AGMO: variants seen among roughly 807,000 people sequenced by gnomAD.
AGMO encodes the protein glyceryl-ether monooxygenase.
AGMO carries 75 observed loss-of-function variants against 60.2 expected under a neutral mutation model. The observed-to-expected ratio is 1.25, with a 90% CI of 1.03 to 1.51. The LOEUF is 1.51. AGMO is among the 40% of genes most tolerant of loss of function. The probability of loss-of-function intolerance (pLI) is 0.00; values close to 1 mark genes in which losing one functional copy is unlikely to be tolerated. For missense variants in AGMO, 763 were observed against 525.5 expected (o/e 1.45, Z -4.42); for synonymous variants, 261 against 177.1 (o/e 1.47, Z -3.76).
At chr7:15,420,901 G>A (rs567766103) in intron 4 of AGMO, among the ~76,000 whole-genome samples, 1 of 152,006 alleles carries the variant, frequency 6.6e-6, no homozygotes, top group Non-Finnish European at 1.5e-5. Context: ...TCATTTTATT[G>A]TCTTGTAGAA....
intron 12 of AGMO, among the ~76,000 whole-genome samples, chr7:15,213,279 C>T (rs191939116): frequency 1.3e-5 from 2 of 151,752 alleles, no homozygotes; most frequent in East Asian, 1.9e-4. Context: ...CTGAGCACCA[C>T]GAAATGTGGA....
chr7:15,247,445 C>CAGAG (rs2128505078), intron 12 of AGMO, among the ~76,000 whole-genome samples: 1 of 141,720 alleles, frequency 7.1e-6, no homozygotes, highest in South Asian at 2.2e-4. Flanking sequence ...CACACACACA[C>CAGAG]ACACACACAC....
chr7:15,338,101 A>G (rs1301697547), intron 12 of AGMO, among the ~76,000 whole-genome samples: 1 of 152,204 alleles, frequency 6.6e-6, no homozygotes, highest in Non-Finnish European at 1.5e-5. Context: ...AATTTTTAGC[A>G]TCTAGAAACT....
intron 10 of AGMO, among the ~76,000 whole-genome samples, chr7:15,372,207 T>A (rs2128566250): frequency 6.6e-6 from 1 of 152,214 alleles, no homozygotes; most frequent in African/African-American, 2.4e-5. Context: ...TCCCAGCACT[T>A]TACGACGCTG....
intron 12 of AGMO, among the ~76,000 whole-genome samples, chr7:15,229,862 A>G (rs970018420): frequency 1.3e-5 from 2 of 150,966 alleles, no homozygotes; most frequent in Non-Finnish European, 3.0e-5. Flanking sequence ...TAGAATTCAA[A>G]ATGTACTAGA....
At position 15,327,978 on chromosome 7, in the gene AGMO, G is replaced by C. The variant is rs1318428147; in HGVS notation, c.1263+37536C>G. On this transcript the variant is annotated intron_variant, in intron 12 of 12. Coordinates refer to ENST00000342526, the MANE Select transcript of AGMO (RefSeq NM_001004320.2). ...TTTGGTTGAGACAGGGTCTCACTAT[G>C]TTGCCTGAGCTTGTCATGAACTTCT... Among the ~76,000 whole-genome samples the C allele has an allele frequency of 4.0e-5, 6 of 151,756 alleles. No homozygotes were observed. The East Asian group carries it at 1.2e-3, about 29-fold the overall frequency.
intron 12 of AGMO, among the ~76,000 whole-genome samples, chr7:15,254,512 C>A (rs572748614): frequency 1.6e-3 from 249 of 152,086 alleles, no homozygotes; most frequent in African/African-American, 5.8e-3. Context: ...TTTTCATACA[C>A]CTATTGGTCA....
At chr7:15,327,264 A>C (rs544818389) in intron 12 of AGMO, among the ~76,000 whole-genome samples, 1 of 152,278 alleles carries the variant, frequency 6.6e-6, no homozygotes, top group South Asian at 2.1e-4. Context: ...CATTTAGTGG[A>C]AAGACAGCTA....
At chr7:15,253,963 G>T (rs757455680) in intron 12 of AGMO, among the ~76,000 whole-genome samples, 50 of 150,314 alleles carry the variant, frequency 3.3e-4, no homozygotes, top group Non-Finnish European at 6.1e-4. Context: ...TTTTTTTCCT[G>T]TGCCTGGATT....
intron 3 of AGMO, among the ~76,000 whole-genome samples, chr7:15,471,259 T>C (rs552941979): frequency 2.0e-5 from 3 of 152,082 alleles, no homozygotes; most frequent in African/African-American, 7.2e-5. Flanking sequence ...TGGCCATTGG[T>C]AGACAGAGGT....
intron 3 of AGMO, among the ~76,000 whole-genome samples, chr7:15,537,176 C>T (rs994831415): frequency 5.9e-5 from 9 of 151,884 alleles, no homozygotes; most frequent in Admixed American, 2.6e-4. Flanking sequence ...TTTGAATTGG[C>T]TTATTTATTC....
intron 12 of AGMO, among the ~76,000 whole-genome samples, chr7:15,338,844 TA>T (rs550681198): frequency 6.6e-6 from 1 of 152,110 alleles, no homozygotes; most frequent in African/African-American, 2.4e-5. Flanking sequence ...CTCATCAAAA[TA>T]AAAACTACCC....
At chr7:15,411,708 C>T (rs1357457009) in intron 5 of AGMO, among the ~76,000 whole-genome samples, 1 of 151,864 alleles carries the variant, frequency 6.6e-6, no homozygotes, top group Non-Finnish European at 1.5e-5. Context: ...CCTATCTACA[C>T]AAATGGTGAA....
chr7:15,202,836 C>G (rs1435783075), intron 12 of AGMO, among the ~76,000 whole-genome samples: 1 of 152,060 alleles, frequency 6.6e-6, no homozygotes, highest in Non-Finnish European at 1.5e-5. Context: ...TAAAATAATA[C>G]TGCGCTGGGG....
intron 4 of AGMO, among the ~76,000 whole-genome samples, chr7:15,426,097 A>G (rs1781054578): frequency 6.6e-6 from 1 of 152,184 alleles, no homozygotes; most frequent in African/African-American, 2.4e-5. Context: ...TAATTTTTGG[A>G]GTGTCTATTA....
intron 12 of AGMO, among the ~76,000 whole-genome samples, chr7:15,260,060 T>C (rs1190174429): frequency 2.0e-5 from 3 of 151,060 alleles, no homozygotes; most frequent in African/African-American, 7.3e-5. Flanking sequence ...ACAAATAGCA[T>C]GATGAATAGA....
At chr7:15,254,231 ATTTC>A (rs1459948093) in intron 12 of AGMO, among the ~76,000 whole-genome samples, 1 of 152,008 alleles carries the variant, frequency 6.6e-6, no homozygotes, top group African/African-American at 2.4e-5. Flanking sequence ...TATTGGTTTT[ATTTC>A]TTTTCAATAT....
At chr7:15,134,984 T>G in the AGMO span, among the ~76,000 whole-genome samples, 1 of 151,898 alleles carries the variant, frequency 6.6e-6, no homozygotes, top group South Asian at 2.1e-4. Context: ...TATTTCAAGA[T>G]TACAGATATT....
intron 3 of AGMO, among the ~76,000 whole-genome samples, chr7:15,517,675 C>T (rs1432144203): frequency 1.3e-5 from 2 of 152,086 alleles, no homozygotes. Context: ...ACCCGCAGAC[C>T]AGGAGATTTC....
Sources: gnomAD v4.1 joint callset for allele counts (sites outside exome capture counted in the v4.1 genomes callset) on GRCh38, gnomAD v4.1.1 for gene constraint, MANE v1.5 for transcripts, NCBI Gene and HGNC (gene_info 2026-07-23, HGNC 2026-07-21) for gene names.